The following DET1 variants were observed in gnomAD, a reference collection of about 807,000 sequenced individuals.
DET1 encodes DET1 partner of COP1 E3 ubiquitin ligase.
A neutral mutation model predicts 43.7 loss-of-function variants in DET1; 22 were observed. The ratio of observed to expected loss-of-function variants is 0.50; its 90% CI spans 0.36 to 0.72. The LOEUF (loss-of-function observed/expected upper bound fraction) is 0.72. Among genes scored for constraint, DET1 ranks in the 30% least tolerant of loss-of-function variants. The probability of loss-of-function intolerance (pLI) is 0.00; values close to 1 mark genes in which losing one functional copy is unlikely to be tolerated. For missense variants in DET1, 713 were observed against 713.3 expected (o/e 1.00, Z 0.00); for synonymous variants, 315 against 266.2 (o/e 1.18, Z -1.79).
chr15:88,514,654 C>T (rs186626778), intron 4 of DET1, among the ~76,000 whole-genome samples: 206 of 152,134 alleles, frequency 1.4e-3, no homozygotes, highest in African/African-American at 4.4e-3. Flanking sequence ...CATGAAATAA[C>T]GTTTATAAAA....
chr15:88,523,353 A>G (rs2056555627), intron 3 of DET1, among the ~76,000 whole-genome samples: 1 of 152,152 alleles, frequency 6.6e-6, no homozygotes, highest in African/African-American at 2.4e-5. Flanking sequence ...GGAAAAGATT[A>G]CTATAAAATT....
At chr15:88,536,071 T>C (rs1003146515) in intron 1 of DET1, among the ~76,000 whole-genome samples, 3 of 152,186 alleles carry the variant, frequency 2.0e-5, no homozygotes, top group African/African-American at 7.2e-5. Context: ...GTATCACCTA[T>C]AGAGGTGCAA....
At chr15:88,524,300 T>A (rs2056596404) in intron 3 of DET1, among the ~76,000 whole-genome samples, 1 of 150,418 alleles carries the variant, frequency 6.6e-6, no homozygotes, top group Non-Finnish European at 1.5e-5. Context: ...ATCTGGGAAG[T>A]GAGGAGCGTC....
At chr15:88,519,739 C>T (rs2056439760) in intron 3 of DET1, among the ~76,000 whole-genome samples, 1 of 152,166 alleles carries the variant, frequency 6.6e-6, no homozygotes, top group African/African-American at 2.4e-5. Context: ...CAGTTAAGCT[C>T]AACTCTTCCT....
At chr15:88,509,055 A>C (rs1295282299), downstream of DET1, among the ~76,000 whole-genome samples, 1 of 152,218 alleles carries the variant, frequency 6.6e-6, no homozygotes, top group Non-Finnish European at 1.5e-5. Flanking sequence ...TAAGGCAGGG[A>C]ACAAGTACAG....
At chr15:88,545,337 G>A (rs901893786) in intron 1 of DET1, among the ~76,000 whole-genome samples, 6 of 152,080 alleles carry the variant, frequency 3.9e-5, no homozygotes, top group African/African-American at 1.2e-4. Context: ...AGCCAATCGG[G>A]CCTTTAACTG....
intron 1 of DET1, among the ~76,000 whole-genome samples, chr15:88,541,776 T>G (rs868619729): frequency 6.6e-5 from 10 of 152,166 alleles, no homozygotes; most frequent in Non-Finnish European, 1.0e-4. Flanking sequence ...CAATTCCACC[T>G]CCAAAGTCCT....
At chr15:88,546,477 G>C (rs2057260321) in intron 1 of DET1, 63 bp downstream of exon 1, 2 of 152,598 alleles carry the variant, frequency 1.3e-5, no homozygotes, top group Admixed American at 1.3e-4. Flanking sequence ...GTCATGCAGG[G>C]AGGAGCCTGC....
chr15:88,543,712 T>C (rs2057172763), intron 1 of DET1, among the ~76,000 whole-genome samples: 1 of 152,124 alleles, frequency 6.6e-6, no homozygotes, highest in South Asian at 2.1e-4. Flanking sequence ...GGCTCTCCGA[T>C]GGGGTAAGGA....
chr15:88,530,966 T>G lies in DET1; in HGVS notation c.740A>C (p.Glu247Ala). ...QTIHVFQVTP[E>A]GTFIDVRTIG... ...GGTCCGCACATCAATGAAAGTGCCT[T>G]CAGGAGTCACCTGGAAGACATGGAT... Residue 247 changes from glutamate (E) to alanine (A), a missense_variant, in exon 2 of 5, where the codon GAA (glutamate) becomes GCA (alanine). By Grantham distance (107) the Glu-to-Ala change is moderately radical. Transcript: ENST00000268148. 6.2e-7 allele frequency: 1 copy of G among 1,614,026 alleles called. No individual in the cohort carries two copies. The highest frequency in any genetic ancestry group is 1.1e-5 in the South Asian group (1 of 91,076).
At chr15:88,530,517 C>T in intron 2 of DET1, 106 bp downstream of exon 2, 1 of 1,491,884 alleles carries the variant, frequency 6.7e-7, no homozygotes, top group Non-Finnish European at 8.9e-7. Flanking sequence ...TCAATTCAGA[C>T]TACGTGAAAT....
chr15:88,531,286 C>G lies in DET1; in HGVS notation c.420G>C (p.Leu140=). The G allele has an allele frequency of 1.2e-6, 2 of 1,613,918 alleles. No individual in the cohort carries two copies. The highest frequency in any genetic ancestry group is 1.7e-6 in the Non-Finnish European group (2 of 1,179,860). ...CAGTGAAGAGACTACACTCCCGGTT[C>G]AGGTGCTCACCATTGGCCGCAACAT... ...ITNVAANGEH[L]NRECSLFTDD... Residue 140 remains leucine (L), a synonymous_variant, in exon 2 of 5, where the codon CTG becomes CTC. Transcript: ENST00000268148. The surrounding 1 kb of genome is among the most constrained non-coding windows in gnomAD (Gnocchi z 6.2).
downstream of DET1, chr15:88,512,361 T>C: frequency 1.0e-6 from 1 of 985,300 alleles, no homozygotes; most frequent in Non-Finnish European, 1.2e-6. Context: ...CACTTAGTTC[T>C]CCCAGGAACA....
chr15:88,519,160 G>A (rs1324963323), intron 3 of DET1, among the ~76,000 whole-genome samples: 1 of 152,114 alleles, frequency 6.6e-6, no homozygotes, highest in African/African-American at 2.4e-5. Flanking sequence ...AAGCATCTGT[G>A]ATAATCTACA....
intron 4 of DET1, among the ~76,000 whole-genome samples, chr15:88,513,519 A>G (rs1219902756): frequency 6.6e-6 from 1 of 152,172 alleles, no homozygotes; most frequent in African/African-American, 2.4e-5. Context: ...AGCCATATTA[A>G]AAAAATAAAA....
chr15:88,531,106 G>C lies in DET1; in HGVS notation c.600C>G (p.Thr200=). 1 of 1,613,958 alleles carries C rather than the reference G, an allele frequency of 6.2e-7. No individual in the cohort carries two copies. The highest frequency in any genetic ancestry group is 2.2e-5 in the East Asian group (1 of 44,876). The change falls in exon 2 of 5, where the codon ACC becomes ACG. Residue 200 remains threonine (T), a synonymous_variant. Transcript: ENST00000268148. This position sits in a 1 kb window ranked among gnomAD's most constrained non-coding sequence, Gnocchi z 6.2. The part of the protein sequence containing the change: ...DYSLHIIDLH[T]GRLCDTRTFK... ...ACGTGCGTGTATCACATAAGCGGCCGGTGTGAAGGTCAATGATATGGAGGG... is the reference window on the plus strand; with the variant it reads ...ACGTGCGTGTATCACATAAGCGGCCCGTGTGAAGGTCAATGATATGGAGGG...
In DET1 at chr15:88,516,783, T is replaced by A. The variant is rs760059023; in HGVS notation, c.1462A>T (p.Arg488Trp). 1.9e-6 allele frequency: 3 copies of A among 1,573,474 alleles called. No individual in the cohort carries two copies. ...GTAGCTATAGCAGTGACACTGTACC[T>A]GATTGGGTGATCTCCACAAGTCTTG... Reference protein sequence around the residue: ...RPKTCGDHPIRFYARDSGLLK... With the variant: ...RPKTCGDHPIWFYARDSGLLK... The change falls in exon 4 of 5, where the codon AGG (arginine) becomes TGG (tryptophan). Residue 488 changes from arginine to tryptophan, a missense_variant and splice_region_variant. By Grantham distance (101) the Arg-to-Trp change is moderately radical (BLOSUM62 -3). Coordinates refer to ENST00000268148, the MANE Select transcript of DET1 (RefSeq NM_001144074.3). This position sits in a 1 kb window ranked among gnomAD's most constrained non-coding sequence, Gnocchi z 4.4.
At chr15:88,515,533 C>T (rs1450283725) in intron 4 of DET1, among the ~76,000 whole-genome samples, 31 of 41,304 alleles carry the variant, frequency 7.5e-4, no homozygotes, top group Non-Finnish European at 1.5e-3. Flanking sequence ...ACAGAGACTC[C>T]GTCTTATAAA....
Position 88,531,044 on chromosome 15 carries a change from C to T in DET1, c.662G>A (p.Gly221Glu). The T allele has an allele frequency of 6.2e-7, 1 of 1,613,600 alleles. No homozygotes were observed. The highest frequency in any genetic ancestry group is 8.5e-7 in the Non-Finnish European group (1 of 1,179,718). Residue 221 changes from glycine to glutamate, a missense_variant, in exon 2 of 5, where the codon GGG (glycine) becomes GAG (glutamate). Transcript: ENST00000268148. The surrounding 1 kb of genome is among the most constrained non-coding windows in gnomAD (Gnocchi z 6.2). ...CAGGATGTTTTTGTACAAGTACAGC[C>T]CTTGGTTGTGTGACAAGACCACCTT... ...CDKVVLSHNQGLYLYKNILAI... is the reference protein window; with the variant it reads ...CDKVVLSHNQELYLYKNILAI...
Sources: allele counts gnomAD v4.1 joint callset (sites outside exome capture counted in the v4.1 genomes callset), GRCh38; gene constraint gnomAD v4.1.1; non-coding constraint Gnocchi (gnomAD v3.1); transcripts MANE v1.5; gene names NCBI Gene and HGNC (gene_info 2026-07-23, HGNC 2026-07-21).